Variants in ADCY1 observed in about 807,000 individuals in gnomAD.
ADCY1 encodes adenylate cyclase 1, also known as adenylate cyclase type 1.
A neutral mutation model predicts 105.4 loss-of-function variants in ADCY1; 28 were observed. The observed-to-expected ratio is 0.27, with a 90% CI of 0.20 to 0.36. The LOEUF (loss-of-function observed/expected upper bound fraction) is 0.36, where lower values mean the gene tolerates loss of function less well. Ranked by LOEUF, ADCY1 falls within the 10% of genes least tolerant of loss-of-function variation. ADCY1 has a pLI of 1.00. For missense variants in ADCY1, 977 were observed against 1,434.2 expected (o/e 0.68, Z 5.15); for synonymous variants, 655 against 623.8 (o/e 1.05, Z -0.75).
intron 1 of ADCY1, among the ~76,000 whole-genome samples, chr7:45,580,347 C>T (rs944268378): frequency 3.3e-5 from 5 of 152,188 alleles, no homozygotes; most frequent in East Asian, 3.9e-4. Flanking sequence ...CTTCATGGAC[C>T]GGAGAAGAGC....
Position 45,575,306 on chromosome 7 carries a change from G to A in ADCY1, c.639+124G>A, listed in dbSNP as rs953012149. On this transcript the variant is annotated intron_variant, in intron 1 of 19. Transcript: ENST00000297323. This position sits in a 1 kb window ranked among gnomAD's most constrained non-coding sequence, Gnocchi z 4.7. ...GTGGGGACACTGAGGCTCCGAGTGG[G>A]GGTGTGTTCAAGGTCACTCCTACGA... The A allele has an allele frequency of 6.1e-5, 77 of 1,271,098 alleles. No individual in the cohort carries two copies. Among genetic ancestry groups the A allele is most frequent in the Middle Eastern group, 2.8e-4 (1 of 3,596 alleles). 78.7% of individuals were successfully genotyped at this position (1,271,098 alleles called of 1,614,324 possible).
At chr7:45,642,042 C>G (rs922167058) in intron 4 of ADCY1, among the ~76,000 whole-genome samples, 4 of 151,478 alleles carry the variant, frequency 2.6e-5, no homozygotes, top group Non-Finnish European at 5.9e-5. Flanking sequence ...TTGGAGGTGA[C>G]TGAACAATGA....
At chr7:45,685,930 T>C (rs1784662776) in intron 12 of ADCY1, 32 bp from the exon 13 acceptor site, 1 of 1,593,582 alleles carries the variant, frequency 6.3e-7, no homozygotes, top group Admixed American at 1.7e-5. Flanking sequence ...CACCTGCCCT[T>C]TGCTAAGCCC....
chr7:45,637,765 A>G lies in ADCY1; in HGVS notation c.1021-10905A>G, dbSNP rs117507674. Reference sequence around the variant, plus strand: ...AAGAATTTTAAAAAACATTTCTTGTAGTGCTGGTATGCTGGTGATGAACTC... The same window carrying G: ...AAGAATTTTAAAAAACATTTCTTGTGGTGCTGGTATGCTGGTGATGAACTC... On this transcript the variant is annotated intron_variant, in intron 4 of 19. Coordinates refer to ENST00000297323, the MANE Select transcript of ADCY1 (RefSeq NM_021116.4). Among the ~76,000 whole-genome samples, 459 of 152,328 alleles carry G rather than the reference A, an allele frequency of 3.0e-3. 2 individuals are homozygous for G. The highest frequency in any genetic ancestry group is 6.8e-3 in the Middle Eastern group (2 of 292).
chr7:45,687,487 G>A (rs2116214963), intron 14 of ADCY1, among the ~76,000 whole-genome samples: 1 of 152,306 alleles, frequency 6.6e-6, no homozygotes, highest in Admixed American at 6.5e-5. Flanking sequence ...CAAACATTTA[G>A]GACCAGGCTA....
intron 8 of ADCY1, chr7:45,664,494 A>G: frequency 7.0e-7 from 1 of 1,431,008 alleles, no homozygotes; most frequent in East Asian, 2.5e-5. Context: ...CTCTCTCCTG[A>G]TCGTAAACAT....
At chr7:45,651,610 C>T (rs1237179775) in intron 5 of ADCY1, among the ~76,000 whole-genome samples, 2 of 152,170 alleles carry the variant, frequency 1.3e-5, no homozygotes, top group African/African-American at 4.8e-5. Flanking sequence ...GTTTGCTCCC[C>T]GCCACTCCTC....
chr7:45,711,644 T>TATATATATACACAC (rs1189707139), intron 19 of ADCY1, among the ~76,000 whole-genome samples: 20 of 51,446 alleles, frequency 3.9e-4, no homozygotes, highest in Non-Finnish European at 7.7e-4. Flanking sequence ...TATATATATA[T>TATATATATACACAC]ACACACACAC....
At position 45,723,106 on chromosome 7, in the gene ADCY1, G is replaced by A. The variant is rs1785508395; in HGVS notation, c.*9111G>A. 1 of 152,512 alleles carries A rather than the reference G, an allele frequency of 6.6e-6. No homozygotes were observed. The highest frequency in any genetic ancestry group is 6.5e-5 in the Admixed American group (1 of 15,274). 9.4% of individuals were successfully genotyped at this position (152,512 alleles called of 1,614,324 possible). The stretch of plus-strand genomic sequence containing the variant: ...TTAACAAAAATAAAGGGAAAAAATT[G>A]CTTGACTAAACTCTGTGGCCATTTC... On this transcript the variant is annotated 3_prime_UTR_variant, in exon 20 of 20. Transcript: ENST00000297323.
At chr7:45,628,931 GCA>G (rs1207800901) in intron 4 of ADCY1, among the ~76,000 whole-genome samples, 1 of 152,104 alleles carries the variant, frequency 6.6e-6, no homozygotes, top group Non-Finnish European at 1.5e-5. Context: ...GTCCTAGGTG[GCA>G]CAGAGGGCTC....
In ADCY1 at chr7:45,648,687, C is replaced by T. The variant is rs1794732905; in HGVS notation, c.1038C>T (p.Arg346=). ...DELATENHCR[R]IKILGDCYYC... ...CCCTGAAGGAGAACCACTGTCGCCGCATCAAGATTCTCGGGGACTGCTACT... is the reference window on the plus strand; with the variant it reads ...CCCTGAAGGAGAACCACTGTCGCCGTATCAAGATTCTCGGGGACTGCTACT... Residue 346 remains arginine (R), a synonymous_variant, in exon 5 of 20, where the codon CGC becomes CGT. Transcript: ENST00000297323. 4 of 1,614,190 alleles carry T rather than the reference C, an allele frequency of 2.5e-6. No homozygotes were observed. Among genetic ancestry groups the T allele is most frequent in the Admixed American group, 1.7e-5 (1 of 60,036 alleles).
Position 45,584,377 on chromosome 7 carries a change from A to G in ADCY1, c.640-8382A>G, listed in dbSNP as rs566504313. ...TGGATGGGGAATTGTTGTTTACACA[A>G]CAGGTGGCGTGGGGCCCAAGGCATC... On this transcript the variant is annotated intron_variant, in intron 1 of 19. Transcript: ENST00000297323. Among the ~76,000 whole-genome samples the G allele has an allele frequency of 1.1e-4, 16 of 152,308 alleles. No individual in the cohort carries two copies. The South Asian group carries it at 3.1e-3, about 30-fold the overall frequency.
chr7:45,607,972 G>C (rs962177507), intron 2 of ADCY1, among the ~76,000 whole-genome samples: 6 of 152,232 alleles, frequency 3.9e-5, no homozygotes, highest in African/African-American at 1.4e-4. Context: ...TGGGATTGCG[G>C]ATTTGATGGC....
rs1346339309 is a variant in ADCY1, at chr7:45,660,081, T to C, written c.1347T>C (p.Asn449=). Residue 449 remains asparagine, a synonymous_variant, in exon 7 of 20, where the codon AAT becomes AAC. Transcript: ENST00000297323. The part of the protein sequence containing the change: ...HITKTTLACL[N]GDYEVEPGYG... ...CAAAGACGACCCTAGCGTGCTTGAA[T>C]GGGGACTACGAGGTAGAACCGGGTT... 7 of 1,614,092 alleles carry C rather than the reference T, an allele frequency of 4.3e-6. No individual in the cohort carries two copies. The African/African-American group carries it at 9.3e-5, about 22-fold the overall frequency.
At chr7:45,701,361 C>G (rs1396755362) in intron 14 of ADCY1, among the ~76,000 whole-genome samples, 2 of 152,162 alleles carry the variant, frequency 1.3e-5, no homozygotes, top group Admixed American at 6.5e-5. Context: ...GACAGCAGCT[C>G]TGATAGCCCA....
intron 1 of ADCY1, among the ~76,000 whole-genome samples, chr7:45,582,269 C>T (rs1290729826): frequency 6.6e-6 from 1 of 152,200 alleles, no homozygotes; most frequent in Non-Finnish European, 1.5e-5. Context: ...GCAGCCTGTG[C>T]CCTGTGTCTC....
Position 45,597,928 on chromosome 7 carries a change from G to T in ADCY1, c.789+5020G>T, listed in dbSNP as rs1793122180. 2.0e-5 allele frequency among the ~76,000 whole-genome samples: 3 copies of T among 152,078 alleles called. No homozygotes were observed. The South Asian group carries it at 6.2e-4, about 32-fold the overall frequency. ...GTGCCTGAGGCTGATTCCTTTGGGG[G>T]GATTTGAATGAGCTAAAATGACCCC... On this transcript the variant is annotated intron_variant, in intron 2 of 19. Transcript: ENST00000297323.
intron 1 of ADCY1, among the ~76,000 whole-genome samples, chr7:45,590,973 G>C (rs1792899224): frequency 6.6e-6 from 1 of 152,136 alleles, no homozygotes; most frequent in South Asian, 2.1e-4. Flanking sequence ...GGTCCCCCAT[G>C]GAGGTGTCAG....
chr7:45,636,443 A>G (rs1450893865), intron 4 of ADCY1, among the ~76,000 whole-genome samples: 1 of 152,226 alleles, frequency 6.6e-6, no homozygotes. Context: ...AGGCCTAACT[A>G]CATTCTGTCA....
Sources: gnomAD v4.1 joint callset for allele counts (sites outside exome capture counted in the v4.1 genomes callset) on GRCh38, gnomAD v4.1.1 for gene constraint, Gnocchi (gnomAD v3.1) non-coding constraint, MANE v1.5 for transcripts, NCBI Gene and HGNC (gene_info 2026-07-23, HGNC 2026-07-21) for gene names.